The following DCDC2C variants were observed in gnomAD, a reference collection of about 807,000 sequenced individuals.
DCDC2C encodes the protein doublecortin domain containing 2C.
DCDC2C carries 44 observed loss-of-function variants against 45.0 expected under a neutral mutation model. That is an observed-to-expected ratio of 0.98 (90% CI 0.77 to 1.26). DCDC2C has a LOEUF of 1.26. DCDC2C is among the 50% of genes most tolerant of loss of function. The pLI is 0.00. For synonymous variants in DCDC2C, 187 were observed against 178.8 expected (o/e 1.05, Z -0.37); for missense variants, 447 against 468.9 (o/e 0.95, Z 0.43).
chr2:3,726,453 T>C (rs764886047), intron 2 of DCDC2C, among the ~76,000 whole-genome samples: 19 of 152,156 alleles, frequency 1.2e-4, no homozygotes, highest in Non-Finnish European at 5.9e-5. Flanking sequence ...GCAGTGGACC[T>C]GAGACTGAAG....
chr2:3,802,515 C>T (rs982722304), intron 10 of DCDC2C, among the ~76,000 whole-genome samples: 2 of 152,166 alleles, frequency 1.3e-5, no homozygotes, highest in Non-Finnish European at 2.9e-5. Flanking sequence ...TTAAAAACAA[C>T]AGAAATATAT....
intron 10 of DCDC2C, among the ~76,000 whole-genome samples, chr2:3,791,541 G>T (rs17018072): frequency 0.19 from 29,017 of 152,212 alleles, 2,890 homozygotes; most frequent in East Asian, 0.24. Flanking sequence ...ATCAGCGGAT[G>T]CAGGTCAGTT....
chr2:3,807,844 C>T (rs1671291712), intron 10 of DCDC2C, among the ~76,000 whole-genome samples: 1 of 152,182 alleles, frequency 6.6e-6, no homozygotes, highest in Admixed American at 6.5e-5. Flanking sequence ...GCGCCTCTGT[C>T]ACTCACTGTG....
At chr2:3,756,936 C>T (rs1023238446) in intron 6 of DCDC2C, among the ~76,000 whole-genome samples, 2 of 152,112 alleles carry the variant, frequency 1.3e-5, no homozygotes, top group East Asian at 1.9e-4. Flanking sequence ...AACACATTTT[C>T]GTATTAGGTG....
intron 10 of DCDC2C, among the ~76,000 whole-genome samples, chr2:3,792,555 C>T (rs983415150): frequency 3.9e-5 from 6 of 152,180 alleles, no homozygotes; most frequent in East Asian, 1.9e-4. Flanking sequence ...AGTCAATTTA[C>T]GATGTTTCTG....
chr2:3,737,955 A>C (rs7563964), intron 3 of DCDC2C, among the ~76,000 whole-genome samples: 37,742 of 152,138 alleles, frequency 0.25, 5,302 homozygotes, highest in African/African-American at 0.39. Context: ...GCCTTTTGAA[A>C]TCTCTTCAGA....
At chr2:3,774,640 G>A (rs74747535) in intron 8 of DCDC2C, among the ~76,000 whole-genome samples, 1 of 152,166 alleles carries the variant, frequency 6.6e-6, no homozygotes, top group South Asian at 2.1e-4. Flanking sequence ...TGCCTCTCTT[G>A]TCCCTAGCCA....
chr2:3,770,996 G>A (rs1009602967), intron 8 of DCDC2C, among the ~76,000 whole-genome samples: 25 of 152,240 alleles, frequency 1.6e-4, no homozygotes, highest in African/African-American at 5.8e-4. Context: ...CAGGTAGGGC[G>A]AAGTCTCAGT....
At chr2:3,741,565 T>G (rs570317188) in intron 3 of DCDC2C, among the ~76,000 whole-genome samples, 3 of 152,272 alleles carry the variant, frequency 2.0e-5, no homozygotes, top group Admixed American at 2.0e-4. Context: ...CACCCCCATC[T>G]CATGCTCTGT....
At chr2:3,813,052 TATATATATATATATA>T (rs1250068951) in intron 10 of DCDC2C, among the ~76,000 whole-genome samples, 5 of 88,382 alleles carry the variant, frequency 5.7e-5, no homozygotes, top group African/African-American at 2.8e-4. Context: ...TATATATATA[TATATATATATATATA>T]TTTTTTTTTT....
At chr2:3,813,841 T>G (rs1231945025) in intron 10 of DCDC2C, among the ~76,000 whole-genome samples, 1 of 150,882 alleles carries the variant, frequency 6.6e-6, no homozygotes, top group Non-Finnish European at 1.5e-5. Context: ...TAATACCACA[T>G]GCTGATGAGT....
chr2:3,710,439 C>A (rs532753249), intron 2 of DCDC2C, among the ~76,000 whole-genome samples: 11 of 152,202 alleles, frequency 7.2e-5, no homozygotes, highest in Non-Finnish European at 1.5e-4. Flanking sequence ...CTCCCACTTA[C>A]AAGCGAGGAC....
rs143408947 is a variant in DCDC2C, at chr2:3,720,879, C to T, written c.340-6124C>T. ...TGTTTGATAGAATTTACCAGTGGAG[C>T]TATCTGGGCCTAGCGTTGTCTTTGT... On this transcript the variant is annotated intron_variant, in intron 2 of 10. Transcript: ENST00000399143. Among the ~76,000 whole-genome samples, 4 of 152,210 alleles carry T rather than the reference C, an allele frequency of 2.6e-5. No homozygotes were observed. The East Asian group carries it at 5.8e-4, about 22-fold the overall frequency.
chr2:3,847,030 A>AC, intron 10 of DCDC2C, 124 bp from the exon 11 acceptor site: 1 of 145,492 alleles, frequency 6.9e-6, no homozygotes, highest in African/African-American at 2.7e-5. Context: ...CACCCCTCCC[A>AC]GGAACAACAC....
At chr2:3,776,533 A>C (rs17018001) in intron 8 of DCDC2C, among the ~76,000 whole-genome samples, 18,966 of 152,150 alleles carry the variant, frequency 0.12, 1,332 homozygotes, top group East Asian at 0.29. Context: ...TTGGCAAGAG[A>C]ATCTCGTCAA....
intron 2 of DCDC2C, among the ~76,000 whole-genome samples, chr2:3,716,105 G>A (rs1174632006): frequency 6.6e-6 from 1 of 152,190 alleles, no homozygotes; most frequent in Non-Finnish European, 1.5e-5. Flanking sequence ...CATGTTGATA[G>A]CCATGAGTTA....
intron 6 of DCDC2C, among the ~76,000 whole-genome samples, chr2:3,756,380 A>G (rs1669717274): frequency 6.6e-6 from 1 of 152,120 alleles, no homozygotes; most frequent in Non-Finnish European, 1.5e-5. Flanking sequence ...ACTGTGACAC[A>G]CTGGCTTTGA....
chr2:3,831,791 A>G (rs1671958132), intron 10 of DCDC2C, among the ~76,000 whole-genome samples: 1 of 152,226 alleles, frequency 6.6e-6, no homozygotes, highest in African/African-American at 2.4e-5. Flanking sequence ...TCTAAGGCAG[A>G]GCGCTCCGCC....
chr2:3,755,414 T>C (rs1669670343), intron 6 of DCDC2C, among the ~76,000 whole-genome samples: 1 of 152,086 alleles, frequency 6.6e-6, no homozygotes, highest in South Asian at 2.1e-4. Context: ...TGTATTTAAA[T>C]ACATGTGTGT....
Sources: allele counts gnomAD v4.1 joint callset (sites outside exome capture counted in the v4.1 genomes callset), GRCh38; gene constraint gnomAD v4.1.1; transcripts MANE v1.5; gene names NCBI Gene and HGNC (gene_info 2026-07-23, HGNC 2026-07-21).